The following ROBO2 variants were observed in gnomAD, a reference collection of about 807,000 sequenced individuals.
ROBO2 encodes the protein roundabout guidance receptor 2.
Under a neutral mutation model 160.8 loss-of-function variants are expected in ROBO2, and 53 were observed. The ratio of observed to expected loss-of-function variants is 0.33; its 90% confidence interval spans 0.26 to 0.41. The LOEUF is 0.41. ROBO2 is among the 10% of genes least tolerant of loss of function. The pLI is 1.00. For missense variants in ROBO2, 1,577 were observed against 1,722.4 expected (o/e 0.92, Z 1.49); for synonymous variants, 664 against 611.7 (o/e 1.09, Z -1.26).
At chr3:76,296,676 T>C (rs1239943849) in intron 2 of ROBO2, among the ~76,000 whole-genome samples, 2 of 152,220 alleles carry the variant, frequency 1.3e-5, no homozygotes, top group African/African-American at 4.8e-5. Context: ...ATTATGTCAG[T>C]ATTTCTTGTG....
At chr3:77,060,639 A>G (rs2066206405) in intron 1 of ROBO2, among the ~76,000 whole-genome samples, 1 of 152,176 alleles carries the variant, frequency 6.6e-6, no homozygotes, top group South Asian at 2.1e-4. Context: ...ACCACCTCCT[A>G]TTTGCCAAAT....
chr3:76,409,397 C>T (rs893220174), intron 2 of ROBO2, among the ~76,000 whole-genome samples: 1 of 152,024 alleles, frequency 6.6e-6, no homozygotes, highest in African/African-American at 2.4e-5. Flanking sequence ...AAGTAGCCTA[C>T]TCATTACTAG....
chr3:77,493,194 A>G (rs777587763), intron 4 of ROBO2, 50 bp from the exon 5 acceptor site: 1 of 1,590,876 alleles, frequency 6.3e-7, no homozygotes, highest in South Asian at 1.1e-5. Context: ...TACTTAAAGC[A>G]TGCATAATAG....
At chr3:76,068,646 A>T (rs9879542) in intron 2 of ROBO2, among the ~76,000 whole-genome samples, 1 of 151,930 alleles carries the variant, frequency 6.6e-6, no homozygotes, top group Non-Finnish European at 1.5e-5. Context: ...ATACCTTTCC[A>T]TATTCTACAA....
At chr3:77,417,590 T>G (rs188058670) in intron 2 of ROBO2, among the ~76,000 whole-genome samples, 2 of 152,248 alleles carry the variant, frequency 1.3e-5, no homozygotes, top group Non-Finnish European at 2.9e-5. Context: ...AATGCTTACT[T>G]GACCAATCCA....
chr3:76,654,160 G>A (rs918555189), intron 2 of ROBO2, among the ~76,000 whole-genome samples: 3 of 152,102 alleles, frequency 2.0e-5, no homozygotes, highest in Middle Eastern at 3.4e-3. Flanking sequence ...AACCCTTTGC[G>A]TTATGTGTGT....
chr3:76,944,823 C>T (rs1292739840), intron 2 of ROBO2, among the ~76,000 whole-genome samples: 1 of 151,856 alleles, frequency 6.6e-6, no homozygotes, highest in African/African-American at 2.4e-5. Context: ...TTAAAGATGG[C>T]CACGTATTCT....
intron 2 of ROBO2, among the ~76,000 whole-genome samples, chr3:76,225,813 C>G (rs142801270): frequency 0.022 from 3,404 of 152,112 alleles, 56 homozygotes; most frequent in South Asian, 0.077. Context: ...TTTTTAAAAG[C>G]CTGAAACTAT....
intron 2 of ROBO2, among the ~76,000 whole-genome samples, chr3:77,028,938 TG>T (rs2063146009): frequency 6.6e-6 from 1 of 152,228 alleles, no homozygotes; most frequent in Non-Finnish European, 1.5e-5. Flanking sequence ...ACTAAGGTTT[TG>T]GTACAACACA....
chr3:76,292,718 TAAAG>T (rs999373385), intron 2 of ROBO2, among the ~76,000 whole-genome samples: 2 of 152,182 alleles, frequency 1.3e-5, no homozygotes, highest in Non-Finnish European at 2.9e-5. Flanking sequence ...ATTAACTGAA[TAAAG>T]AAAGATAATT....
At chr3:76,901,281 T>C (rs2075207578) in intron 2 of ROBO2, among the ~76,000 whole-genome samples, 1 of 152,112 alleles carries the variant, frequency 6.6e-6, no homozygotes, top group Non-Finnish European at 1.5e-5. Context: ...TTTCCCCTCT[T>C]GCATTGGAAT....
intron 16 of ROBO2, among the ~76,000 whole-genome samples, chr3:77,582,431 T>C (rs1451432656): frequency 6.6e-6 from 1 of 152,202 alleles, no homozygotes; most frequent in Admixed American, 6.6e-5. Context: ...GCCTTTTTAA[T>C]TGCATACTCA....
chr3:77,284,830 A>C (rs1308632378), intron 2 of ROBO2, among the ~76,000 whole-genome samples: 1 of 152,154 alleles, frequency 6.6e-6, no homozygotes, highest in Non-Finnish European at 1.5e-5. Context: ...AGAAATATGA[A>C]GTAGGGTAAC....
chr3:77,580,602 C>T (rs531319009), intron 16 of ROBO2, among the ~76,000 whole-genome samples: 1 of 152,056 alleles, frequency 6.6e-6, no homozygotes, highest in Non-Finnish European at 1.5e-5. Context: ...AAAATTGTTC[C>T]CTCTTATCAT....
chr3:76,014,906 C>A (rs2066361607), intron 2 of ROBO2, among the ~76,000 whole-genome samples: 1 of 152,130 alleles, frequency 6.6e-6, no homozygotes, highest in Non-Finnish European at 1.5e-5. Context: ...CCAGTCTGAA[C>A]CACAGAGTGA....
At chr3:77,162,337 A>G (rs1257546020) in intron 2 of ROBO2, among the ~76,000 whole-genome samples, 1 of 152,212 alleles carries the variant, frequency 6.6e-6, no homozygotes, top group Non-Finnish European at 1.5e-5. Context: ...TGAATGGTGG[A>G]TAGATATTAA....
At chr3:76,944,762 T>C (rs2078409064) in intron 2 of ROBO2, among the ~76,000 whole-genome samples, 1 of 152,186 alleles carries the variant, frequency 6.6e-6, no homozygotes, top group Non-Finnish European at 1.5e-5. Context: ...GAAATTAGAA[T>C]TATCAGAATT....
chr3:75,944,343 C>G (rs1948187772), intron 2 of ROBO2, among the ~76,000 whole-genome samples: 1 of 152,158 alleles, frequency 6.6e-6, no homozygotes, highest in Non-Finnish European at 1.5e-5. Flanking sequence ...GCAGAAATTA[C>G]TGCTTATTCT....
intron 2 of ROBO2, among the ~76,000 whole-genome samples, chr3:77,280,312 T>G (rs532119504): frequency 6.6e-6 from 1 of 152,218 alleles, no homozygotes; most frequent in Non-Finnish European, 1.5e-5. Flanking sequence ...ATAGTTCAAC[T>G]ATTATGTTCC....
Sources: allele counts gnomAD v4.1 joint callset (sites outside exome capture counted in the v4.1 genomes callset), GRCh38; gene constraint gnomAD v4.1.1; transcripts MANE v1.5; gene names NCBI Gene and HGNC (gene_info 2026-07-23, HGNC 2026-07-21).